ZNF614: variants seen among roughly 807,000 people sequenced by gnomAD.
ZNF614 encodes zinc finger protein 614.
A neutral mutation model predicts 12.8 loss-of-function variants in ZNF614; 11 were observed. The observed-to-expected ratio is 0.86, with a 90% CI of 0.54 to 1.43. The LOEUF is 1.43. ZNF614 is among the 40% of genes most tolerant of loss of function. The pLI, the probability that ZNF614 is intolerant of heterozygous loss-of-function variation, is 0.00. For missense variants in ZNF614, 664 were observed against 708.8 expected (o/e 0.94, Z 0.72); for synonymous variants, 237 against 237.5 (o/e 1.00, Z 0.02).
intron 2 of ZNF614, among the ~76,000 whole-genome samples, chr19:52,021,622 G>A (rs2086933542): frequency 6.6e-6 from 1 of 151,836 alleles, no homozygotes; most frequent in Non-Finnish European, 1.5e-5. Context: ...GGATGCCTGT[G>A]GTCTCAGCTA....
chr19:52,017,699 TAA>T (rs76651142), intron 4 of ZNF614: 4,047 of 208,238 alleles, frequency 0.019, no homozygotes, highest in South Asian at 0.033. Context: ...AGACTCAGTC[TAA>T]AAAAAAAAAA....
chr19:52,017,699 T>TAA (rs76651142), intron 4 of ZNF614: 359 of 210,872 alleles, frequency 1.7e-3, no homozygotes, highest in South Asian at 3.3e-3. Flanking sequence ...AGACTCAGTC[T>TAA]AAAAAAAAAA....
intron 2 of ZNF614, among the ~76,000 whole-genome samples, chr19:52,020,916 G>A (rs1378725030): frequency 6.6e-6 from 1 of 152,174 alleles, no homozygotes; most frequent in African/African-American, 2.4e-5. Context: ...CACTCTAGGT[G>A]TTCCTGCCCC....
At chr19:52,018,283 G>A (rs1214785708) in intron 3 of ZNF614, 85 bp downstream of exon 3, 3 of 1,597,812 alleles carry the variant, frequency 1.9e-6, no homozygotes, top group Non-Finnish European at 2.6e-6. Flanking sequence ...ACACCACAGT[G>A]ACTGTAAAGC....
rs774161047 is a variant in ZNF614, at chr19:52,013,841, G to A, written c.*1999C>T. The A allele has an allele frequency of 2.9e-5, 4 of 138,908 alleles. No homozygotes were observed. Among genetic ancestry groups the A allele is most frequent in the South Asian group, 2.5e-4 (1 of 4,056 alleles). The allele number at this position is 138,908 out of a possible 1,614,324, so 8.6% of individuals were successfully genotyped here. A position where few individuals can be genotyped will look rare whatever the true frequency, so the allele number is the denominator to read the frequency against. On this transcript the variant is annotated 3_prime_UTR_variant, in exon 5 of 5. Transcript: ENST00000270649. ...AAAAGAAAAAAACATGTAAAAATTC[G>A]TCAAATCCAAAATAAGATTAGTACT...
At chr19:52,026,692 A>G (rs1390398822) in intron 1 of ZNF614, among the ~76,000 whole-genome samples, 2 of 152,196 alleles carry the variant, frequency 1.3e-5, no homozygotes, top group African/African-American at 4.8e-5. Context: ...AGATAAGAGA[A>G]AGGCATCTGT....
In ZNF614 at chr19:52,016,258, C is replaced by A; in HGVS notation, c.1340G>T (p.Arg447Leu). The A allele has an allele frequency of 6.2e-7, 1 of 1,614,174 alleles. No homozygotes were observed. Among genetic ancestry groups the A allele is most frequent in the Non-Finnish European group, 8.5e-7 (1 of 1,180,036 alleles). Reference sequence around the variant, plus strand: ...ATAGGGTTTTTCTCCTGTATGAGTTCGCTGATGTATAATAAGAGTGCGCTT... The same window carrying A: ...ATAGGGTTTTTCTCCTGTATGAGTTAGCTGATGTATAATAAGAGTGCGCTT... The part of the protein sequence containing the change: ...TTKRTLIIHQ[R>L]THTGEKPYEC... Residue 447 changes from arginine to leucine, a missense_variant, in exon 5 of 5, where the codon CGA (arginine) becomes CTA (leucine). Coordinates refer to ENST00000270649, the MANE Select transcript of ZNF614 (RefSeq NM_025040.4).
rs1445139986 is a variant in ZNF614, at chr19:52,015,420, C to T, written c.*420G>A. 1 of 156,668 alleles carries T rather than the reference C, an allele frequency of 6.4e-6. No homozygotes were observed. Among genetic ancestry groups the T allele is most frequent in the Non-Finnish European group, 1.4e-5 (1 of 70,908 alleles). 9.7% of individuals were successfully genotyped at this position (156,668 alleles called of 1,614,324 possible). On this transcript the variant is annotated 3_prime_UTR_variant, in exon 5 of 5. Coordinates refer to ENST00000270649, the MANE Select transcript of ZNF614 (RefSeq NM_025040.4). ...GTCATGGTCATCATGTTTCTATCAA[C>T]AATAAGCTCACTTACGTTGAAATCT...
At position 52,016,979 on chromosome 19, in the gene ZNF614, A is replaced by G; in HGVS notation, c.619T>C (p.Cys207Arg). Residue 207 changes from cysteine to arginine, a missense_variant, in exon 5 of 5, where the codon TGC becomes CGC. By Grantham distance (180) the Cys-to-Arg change is radical. Coordinates refer to ENST00000270649, the MANE Select transcript of ZNF614 (RefSeq NM_025040.4). ...AGGAAGGTTTGCTCACATTCAATGC[A>G]TGCATGGGGTTTCTCAATTTTCTGA... ...RTQKIEKPHA[C>R]IECEQTFLRK... 6.2e-7 allele frequency: 1 copy of G among 1,613,910 alleles called. No individual in the cohort carries two copies. Among genetic ancestry groups the G allele is most frequent in the Non-Finnish European group, 8.5e-7 (1 of 1,180,016 alleles).
rs1363025953 is a variant in ZNF614, at chr19:52,016,468, C to T, written c.1130G>A (p.Gly377Glu). 1.2e-6 allele frequency: 2 copies of T among 1,614,128 alleles called. No individual in the cohort carries two copies. Among genetic ancestry groups the T allele is most frequent in the Admixed American group, 3.3e-5 (2 of 60,008 alleles). The change falls in exon 5 of 5, where the codon GGA becomes GAA. Residue 377 changes from glycine to glutamate, a missense_variant. By Grantham distance (98) the Gly-to-Glu change is moderately conservative (BLOSUM62 -2). Coordinates refer to ENST00000270649, the MANE Select transcript of ZNF614 (RefSeq NM_025040.4). ...GEKPYMCSEC[G>E]KGFTVKSNLI... is the part of the protein sequence containing the mutation. ...ATTGCTCTTCACGGTAAAGCCTTTT[C>T]CACATTCACTGCACATATAGGGTTT...
chr19:52,016,932 G>A lies in ZNF614; in HGVS notation c.666C>T (p.Tyr222=). The change falls in exon 5 of 5, where the codon TAC becomes TAT. Residue 222 remains tyrosine, a synonymous_variant. Coordinates refer to ENST00000270649, the MANE Select transcript of ZNF614 (RefSeq NM_025040.4). ...QTFLRKSQLI[Y]HENICIQENP... is the part of the protein sequence containing the mutation. ...TCTCTTGTATACAAATGTTCTCATG[G>A]TAAATGAGCTGAGACTTCCTAAGGA... is the stretch of plus-strand genomic sequence containing the variant. The A allele has an allele frequency of 2.5e-6, 4 of 1,614,142 alleles. No individual in the cohort carries two copies. The highest frequency in any genetic ancestry group is 2.5e-6 in the Non-Finnish European group (3 of 1,180,016).
Position 52,014,274 on chromosome 19 carries a change from A to G in ZNF614, c.*1566T>C, listed in dbSNP as rs1449916665. The G allele has an allele frequency of 1.3e-5, 2 of 152,166 alleles. No homozygotes were observed. Among genetic ancestry groups the G allele is most frequent in the East Asian group, 3.9e-4 (2 of 5,176 alleles). 9.4% of individuals were successfully genotyped at this position (152,166 alleles called of 1,614,324 possible). A position where few individuals can be genotyped will look rare whatever the true frequency, so the allele number is the denominator to read the frequency against. On this transcript the variant is annotated 3_prime_UTR_variant, in exon 5 of 5. Transcript: ENST00000270649. ...GAACAACTGGGTGTTCTATAATTCA[A>G]TTCTGACACTAACTTCTCCAAGTTA...
chr19:52,017,334 C>G lies in ZNF614; in HGVS notation c.264G>C (p.Leu88=). Residue 88 remains leucine, a synonymous_variant, in exon 5 of 5, where the codon CTG becomes CTC. Transcript: ENST00000270649. ...CPGIGKVDSH[L]QEHSPNQRLL... is the part of the protein sequence containing the mutation. The stretch of plus-strand genomic sequence containing the variant: ...GTCTTTGGTTTGGAGAGTGCTCTTG[C>G]AGATGACTGTCAACTTTCCCGATTC... The G allele has an allele frequency of 6.2e-7, 1 of 1,601,650 alleles. No individual in the cohort carries two copies. Among genetic ancestry groups the G allele is most frequent in the African/African-American group, 1.3e-5 (1 of 74,538 alleles).
Position 52,015,590 on chromosome 19 carries a change from A to G in ZNF614, c.*250T>C. 2.5e-6 allele frequency: 1 copy of G among 392,582 alleles called. No individual in the cohort carries two copies. The highest frequency in any genetic ancestry group is 4.6e-6 in the Non-Finnish European group (1 of 218,838). The allele number at this position is 392,582 out of a possible 1,614,324, so 24.3% of individuals were successfully genotyped here. On this transcript the variant is annotated 3_prime_UTR_variant, in exon 5 of 5. Transcript: ENST00000270649. Reference sequence around the variant, plus strand: ...ATCTCCACATTAATATAGTTTATTCAACGTATTTTCATTGACAGAAAATAT... The same window carrying G: ...ATCTCCACATTAATATAGTTTATTCGACGTATTTTCATTGACAGAAAATAT...
At chr19:52,024,133 T>G (rs928570942) in intron 2 of ZNF614, among the ~76,000 whole-genome samples, 12 of 152,142 alleles carry the variant, frequency 7.9e-5, no homozygotes, top group African/African-American at 2.9e-4. Flanking sequence ...TTACCTGACC[T>G]ATGCATCTTT....
intron 4 of ZNF614, chr19:52,017,770 C>T (rs573623043): frequency 4.7e-5 from 19 of 407,492 alleles, no homozygotes; most frequent in East Asian, 1.2e-4. Context: ...GTCAACTCTA[C>T]GATCCCAGTA....
At chr19:52,026,004 C>G (rs2086969617) in intron 1 of ZNF614, 43 bp from the exon 2 acceptor site, 1 of 463,348 alleles carries the variant, frequency 2.2e-6, no homozygotes, top group Admixed American at 3.8e-5. Flanking sequence ...ACCCTGGGTC[C>G]AGACATTGTC....
chr19:52,016,738 T>G lies in ZNF614; in HGVS notation c.860A>C (p.Tyr287Ser). The G allele has an allele frequency of 6.2e-7, 1 of 1,614,180 alleles. No homozygotes were observed. The highest frequency in any genetic ancestry group is 2.2e-5 in the East Asian group (1 of 44,878). ...GCCCTTTCCACACTCACTGCACATA[T>G]AGGATTTCTCTTCTGTATGGGTTTG... ...HQQTHTEEKS[Y>S]MCSECGKGFT... is the part of the protein sequence containing the mutation. Residue 287 changes from tyrosine to serine, a missense_variant, in exon 5 of 5, where the codon TAT becomes TCT. Tyr to Ser is a moderately radical substitution (Grantham distance 144). Transcript: ENST00000270649.
At position 52,016,193 on chromosome 19, in the gene ZNF614, A is replaced by G. The variant is rs758623266; in HGVS notation, c.1405T>C (p.Cys469Arg). ...ECGKAFSQKI[C>R]LIQHERCHTG... ...TGACATCTCTCATGTTGTATGAGGC[A>G]TATTTTCTGGCTGAAGGCTTTACCA... is the stretch of plus-strand genomic sequence containing the variant. Residue 469 changes from cysteine (C) to arginine (R), a missense_variant, in exon 5 of 5, where the codon TGC (cysteine) becomes CGC (arginine). Cys to Arg is a radical substitution (Grantham distance 180, BLOSUM62 -3). Transcript: ENST00000270649. 1.2e-6 allele frequency: 2 copies of G among 1,614,040 alleles called. No individual in the cohort carries two copies. Among genetic ancestry groups the G allele is most frequent in the Non-Finnish European group, 1.7e-6 (2 of 1,179,928 alleles).
Sources: allele counts gnomAD v4.1 joint callset (sites outside exome capture counted in the v4.1 genomes callset), GRCh38; gene constraint gnomAD v4.1.1; transcripts MANE v1.5; gene names NCBI Gene and HGNC (gene_info 2026-07-23, HGNC 2026-07-21).